Variants in ZSWIM5 observed in about 807,000 individuals in gnomAD.
ZSWIM5 encodes the protein zinc finger SWIM domain-containing protein 5.
In ZSWIM5, 55 loss-of-function variants were observed where a neutral mutation model predicts 119.6. The ratio of observed to expected loss-of-function variants is 0.46; its 90% CI spans 0.37 to 0.58. ZSWIM5 has a LOEUF of 0.58. Ranked by LOEUF, ZSWIM5 falls within the 20% of genes least tolerant of loss-of-function variation. The pLI is 0.00. For missense variants in ZSWIM5, 1,193 were observed against 1,512.8 expected (o/e 0.79, Z 3.51); for synonymous variants, 537 against 606.9 (o/e 0.88, Z 1.69).
At chr1:45,145,112 A>G (rs1349864992) in intron 1 of ZSWIM5, among the ~76,000 whole-genome samples, 1 of 152,180 alleles carries the variant, frequency 6.6e-6, no homozygotes, top group African/African-American at 2.4e-5. Context: ...ATCATTATGA[A>G]ATATTACTAC....
intron 8 of ZSWIM5, among the ~76,000 whole-genome samples, chr1:45,036,860 A>G (rs1489321843): frequency 1.3e-5 from 2 of 152,088 alleles, no homozygotes; most frequent in Admixed American, 6.6e-5. Context: ...TAGTGGTGCA[A>G]TCATGGGTCA....
intron 1 of ZSWIM5, among the ~76,000 whole-genome samples, chr1:45,171,521 A>G (rs1323192048): frequency 6.6e-6 from 1 of 152,128 alleles, no homozygotes; most frequent in Non-Finnish European, 1.5e-5. Flanking sequence ...TATCAAAATC[A>G]TGTGAAAGAT....
chr1:45,065,248 G>A (rs1645176273), intron 2 of ZSWIM5, among the ~76,000 whole-genome samples: 1 of 152,184 alleles, frequency 6.6e-6, no homozygotes, highest in African/African-American at 2.4e-5. Context: ...GATTGGGGTT[G>A]GAATGAACAG....
intron 11 of ZSWIM5, among the ~76,000 whole-genome samples, chr1:45,031,839 CAAAAAAAAAA>C (rs71040536): frequency 1.0e-5 from 1 of 98,936 alleles, no homozygotes; most frequent in East Asian, 3.6e-4. Flanking sequence ...GACTCCATCT[CAAAAAAAAAA>C]AAAAAAAAAA....
intron 10 of ZSWIM5, 87 bp from the exon 11 acceptor site, chr1:45,034,556 G>C (rs1259644128): frequency 1.4e-6 from 2 of 1,449,354 alleles, no homozygotes; most frequent in East Asian, 4.6e-5. Context: ...TGCTGGGGAG[G>C]AACTGGGGAG....
rs930514443 is a variant in ZSWIM5 at position 45,016,578 on chromosome 1, A to T, written c.*1876T>A. On this transcript the variant is annotated 3_prime_UTR_variant, in exon 14 of 14. Transcript: ENST00000359600. Reference sequence around the variant, plus strand: ...GCCCTTGGCTGGACAGTAAGACTTGAGTAGCCACAAATGGCAAATACAACT... The same window carrying T: ...GCCCTTGGCTGGACAGTAAGACTTGTGTAGCCACAAATGGCAAATACAACT... The T allele has an allele frequency of 2.0e-5, 3 of 152,224 alleles. No homozygotes were observed. The highest frequency in any genetic ancestry group is 7.2e-5 in the African/African-American group (3 of 41,466). 9.4% of individuals were successfully genotyped at this position (152,224 alleles called of 1,614,324 possible). A position where few individuals can be genotyped will look rare whatever the true frequency, so the allele number is the denominator to read the frequency against.
intron 1 of ZSWIM5, among the ~76,000 whole-genome samples, chr1:45,165,394 A>G (rs1291934861): frequency 3.3e-5 from 5 of 152,164 alleles, no homozygotes; most frequent in Non-Finnish European, 5.9e-5. Context: ...CCCTAACATA[A>G]CAATTAAAAG....
intron 1 of ZSWIM5, among the ~76,000 whole-genome samples, chr1:45,170,338 T>G (rs1645938697): frequency 6.6e-6 from 1 of 152,030 alleles, no homozygotes; most frequent in Non-Finnish European, 1.5e-5. Context: ...AAGTAAATAT[T>G]AAAGCCCTAA....
chr1:45,189,667 A>T (rs2149052524), intron 1 of ZSWIM5, among the ~76,000 whole-genome samples: 1 of 152,010 alleles, frequency 6.6e-6, no homozygotes, highest in Admixed American at 6.5e-5. Flanking sequence ...GAGGTGAGGG[A>T]ATTACCTGAG....
Position 45,058,735 on chromosome 1 carries a change from C to T in ZSWIM5, c.1126G>A (p.Asp376Asn), listed in dbSNP as rs1429447520. The T allele has an allele frequency of 6.2e-7, 1 of 1,614,160 alleles. No individual in the cohort carries two copies. The highest frequency in any genetic ancestry group is 8.5e-7 in the Non-Finnish European group (1 of 1,180,030). ...AKVREMLRMRDSNGARMLTLI... is the reference protein window; with the variant it reads ...AKVREMLRMRNSNGARMLTLI... ...GTCAGCATCCTTGCTCCATTGGAAT[C>T]TCTCATCCGCAGCATTTCTCGAACC... Residue 376 changes from aspartate (D) to asparagine (N), a missense_variant, in exon 4 of 14, where the codon GAT becomes AAT. By Grantham distance (23) the Asp-to-Asn change is conservative. Coordinates refer to ENST00000359600, the MANE Select transcript of ZSWIM5 (RefSeq NM_020883.2).
intron 1 of ZSWIM5, among the ~76,000 whole-genome samples, chr1:45,177,786 T>G (rs573715593): frequency 6.6e-6 from 1 of 152,008 alleles, no homozygotes; most frequent in Non-Finnish European, 1.5e-5. Context: ...CATTTCCCAG[T>G]CTAATGCAAG....
At chr1:45,062,273 T>G (rs1316675538) in intron 2 of ZSWIM5, among the ~76,000 whole-genome samples, 1 of 152,208 alleles carries the variant, frequency 6.6e-6, no homozygotes, top group Admixed American at 6.5e-5. Flanking sequence ...TTAATCAGTT[T>G]GCCTTACTCC....
chr1:45,186,971 T>C (rs536079318), intron 1 of ZSWIM5, among the ~76,000 whole-genome samples: 2 of 152,330 alleles, frequency 1.3e-5, no homozygotes, highest in South Asian at 4.1e-4. Flanking sequence ...ACTAAGTTCA[T>C]GGTAATTTGT....
At chr1:45,168,676 A>G (rs545886751) in intron 1 of ZSWIM5, among the ~76,000 whole-genome samples, 2 of 150,742 alleles carry the variant, frequency 1.3e-5, no homozygotes, top group African/African-American at 2.4e-5. Context: ...AAAAAAAAAA[A>G]AAAAAAAAAG....
chr1:45,159,051 A>T (rs1450994385), intron 1 of ZSWIM5, among the ~76,000 whole-genome samples: 3 of 152,208 alleles, frequency 2.0e-5, no homozygotes, highest in African/African-American at 7.2e-5. Flanking sequence ...AACTGTACTG[A>T]ATCCTATCCA....
intron 2 of ZSWIM5, among the ~76,000 whole-genome samples, chr1:45,079,062 G>A (rs965923521): frequency 5.3e-5 from 8 of 152,174 alleles, no homozygotes; most frequent in East Asian, 1.9e-4. Context: ...GAAAATGGCC[G>A]GTCCCTGCCT....
At chr1:45,131,354 A>T (rs1247776841) in intron 1 of ZSWIM5, among the ~76,000 whole-genome samples, 1 of 152,244 alleles carries the variant, frequency 6.6e-6, no homozygotes, top group Non-Finnish European at 1.5e-5. Flanking sequence ...GCTTATAAAG[A>T]TGAATAATAT....
rs369047032 is a variant in ZSWIM5 at position 45,112,128 on chromosome 1, CCTAT to C, written c.596-23895_596-23892del. Among the ~76,000 whole-genome samples, 145 of 152,282 alleles carry C rather than the reference CCTAT, an allele frequency of 9.5e-4. 6 individuals carry two copies. In the South Asian group the frequency reaches 0.027, roughly 28 times the overall value. On this transcript the variant is annotated intron_variant, in intron 1 of 13. Coordinates refer to ENST00000359600, the MANE Select transcript of ZSWIM5 (RefSeq NM_020883.2). ...CTATCTTCACAAACAAGACAGTGAA[CCTAT>C]CTATCACCCCCAAATCTATCTTCAT...
At chr1:45,046,066 A>G (rs1209849327) in intron 5 of ZSWIM5, among the ~76,000 whole-genome samples, 2 of 152,068 alleles carry the variant, frequency 1.3e-5, no homozygotes, top group Non-Finnish European at 2.9e-5. Flanking sequence ...GGAGAATCAC[A>G]GGAGATGAGG....
Sources: gnomAD v4.1 joint callset for allele counts (sites outside exome capture counted in the v4.1 genomes callset) on GRCh38, gnomAD v4.1.1 for gene constraint, MANE v1.5 for transcripts, NCBI Gene and HGNC (gene_info 2026-07-23, HGNC 2026-07-21) for gene names.